SATB2: variants seen among roughly 807,000 people sequenced by gnomAD.
The protein encoded by SATB2 is DNA-binding protein SATB2.
In SATB2, 1 loss-of-function variant was observed where a neutral mutation model predicts 73.4. That is an observed-to-expected ratio of 0.01 (90% CI 0.00 to 0.06). The LOEUF (loss-of-function observed/expected upper bound fraction) is 0.06. Among genes scored for constraint, SATB2 ranks in the 10% least tolerant of loss-of-function variants. The probability of loss-of-function intolerance (pLI) is 1.00; values close to 1 mark genes in which losing one functional copy is unlikely to be tolerated. For synonymous variants in SATB2, 397 were observed against 367.0 expected, an observed-to-expected ratio of 1.08 and a Z score of -0.93; for missense variants, 459 against 945.8, an observed-to-expected ratio of 0.49 and a Z score of 6.75.
intron 9 of SATB2, among the ~76,000 whole-genome samples, chr2:199,310,220 A>C (rs13421225): frequency 6.6e-6 from 1 of 152,186 alleles, no homozygotes; most frequent in Non-Finnish European, 1.5e-5. Flanking sequence ...CTGTGAAGCC[A>C]CCAGGGATTT....
chr2:199,362,256 T>C (rs1258746730), intron 6 of SATB2, among the ~76,000 whole-genome samples: 1 of 152,136 alleles, frequency 6.6e-6, no homozygotes, highest in Non-Finnish European at 1.5e-5. Flanking sequence ...GTACTGATGA[T>C]CATGCGGTTG....
At chr2:199,320,404 G>A (rs964838482) in intron 9 of SATB2, among the ~76,000 whole-genome samples, 8 of 152,120 alleles carry the variant, frequency 5.3e-5, no homozygotes, top group South Asian at 4.1e-4. Flanking sequence ...AGTACAAGGC[G>A]AAATGTGTAT....
At chr2:199,468,344 T>C (rs1199759386), upstream of SATB2, 3 of 152,108 alleles carry the variant, frequency 2.0e-5, no homozygotes, top group Non-Finnish European at 4.4e-5. Context: ...TTTATTTCTA[T>C]TGAAGACTAA....
chr2:199,278,098 T>C (rs1397225956), intron 10 of SATB2, among the ~76,000 whole-genome samples: 1 of 151,986 alleles, frequency 6.6e-6, no homozygotes, highest in Non-Finnish European at 1.5e-5. Flanking sequence ...AGGAGGAAGA[T>C]TGTGGGGAGG....
At chr2:199,352,590 C>A (rs1688851633) in intron 6 of SATB2, among the ~76,000 whole-genome samples, 1 of 152,106 alleles carries the variant, frequency 6.6e-6, no homozygotes, top group East Asian at 1.9e-4. Context: ...TCCGTAGTAA[C>A]ACCATGAAGT....
intron 3 of SATB2, among the ~76,000 whole-genome samples, chr2:199,416,961 G>A (rs1267847727): frequency 5.3e-5 from 8 of 151,820 alleles, no homozygotes; most frequent in South Asian, 2.1e-4. Context: ...GCGTGAACCC[G>A]GGAGGCGGAG....
At chr2:199,335,323 T>C (rs930600834) in intron 7 of SATB2, among the ~76,000 whole-genome samples, 1 of 152,130 alleles carries the variant, frequency 6.6e-6, no homozygotes, top group Non-Finnish European at 1.5e-5. Flanking sequence ...TAAATGCATA[T>C]ACAAAAGTAA....
intron 2 of SATB2, among the ~76,000 whole-genome samples, chr2:199,444,894 C>T (rs1691919326): frequency 6.6e-6 from 1 of 152,100 alleles, no homozygotes; most frequent in African/African-American, 2.4e-5. Context: ...AAGAGCAAGC[C>T]TGTGTTTATT....
intron 3 of SATB2, among the ~76,000 whole-genome samples, chr2:199,386,714 G>GCACA (rs1689966497): frequency 1.8e-4 from 4 of 22,550 alleles, no homozygotes; most frequent in African/African-American, 7.6e-4. Flanking sequence ...GCGCGCGCGC[G>GCACA]CGCACACACA....
chr2:199,375,202 T>G (rs1386221952), intron 5 of SATB2, among the ~76,000 whole-genome samples: 3 of 152,092 alleles, frequency 2.0e-5, no homozygotes, highest in African/African-American at 7.2e-5. Context: ...ATCATAAGGT[T>G]TTCAAATTGG....
At chr2:199,296,783 C>T (rs1442916552) in intron 10 of SATB2, among the ~76,000 whole-genome samples, 2 of 152,134 alleles carry the variant, frequency 1.3e-5, no homozygotes, top group Non-Finnish European at 2.9e-5. Flanking sequence ...ACACTCAGCC[C>T]TAGGACTAGA....
chr2:199,275,544 T>A (rs1327336037), intron 10 of SATB2, among the ~76,000 whole-genome samples: 3 of 152,050 alleles, frequency 2.0e-5, no homozygotes, highest in Admixed American at 6.6e-5. Context: ...TTCGGAGGAT[T>A]CTCCTCCGAA....
In SATB2 at chr2:199,270,825, T is replaced by G. The variant is rs1692132121; in HGVS notation, c.*1386A>C. On this transcript the variant is annotated 3_prime_UTR_variant, in exon 11 of 11. Transcript: ENST00000417098. The stretch of plus-strand genomic sequence containing the variant: ...GAGTAAGTGATTCTACTGAAATCGC[T>G]TCACATACTCTATTGCCTGGAGCTG... The G allele has an allele frequency of 6.6e-6, 1 of 152,350 alleles. No individual in the cohort carries two copies. Among genetic ancestry groups the G allele is most frequent in the Admixed American group, 6.5e-5 (1 of 15,270 alleles). The allele number at this position is 152,350 out of a possible 1,614,324, so 9.4% of individuals were successfully genotyped here.
intron 3 of SATB2, among the ~76,000 whole-genome samples, chr2:199,419,066 GA>G (rs1355380147): frequency 1.3e-5 from 2 of 152,116 alleles, no homozygotes; most frequent in Admixed American, 6.5e-5. Context: ...CGTTTTCCCA[GA>G]ATCACCAGTA....
At chr2:199,288,912 A>C (rs1692765246) in intron 10 of SATB2, among the ~76,000 whole-genome samples, 1 of 152,214 alleles carries the variant, frequency 6.6e-6, no homozygotes, top group African/African-American at 2.4e-5. Context: ...CTCTAGGGAG[A>C]GGCAGCAAAG....
At chr2:199,390,976 T>C (rs896461943) in intron 3 of SATB2, among the ~76,000 whole-genome samples, 6 of 152,230 alleles carry the variant, frequency 3.9e-5, no homozygotes, top group African/African-American at 1.4e-4. Flanking sequence ...ATATTAATAA[T>C]ATGAAGGCAA....
chr2:199,455,860 G>A lies in SATB2; in HGVS notation c.169+9C>T, dbSNP rs1692257318. The A allele has an allele frequency of 2.6e-6, 4 of 1,535,922 alleles. No individual in the cohort carries two copies. Among genetic ancestry groups the A allele is most frequent in the Non-Finnish European group, 3.5e-6 (4 of 1,147,310 alleles). On this transcript the variant is annotated intron_variant, in intron 2 of 10. Transcript: ENST00000417098. The surrounding 1 kb of genome is among the most constrained non-coding windows in gnomAD (Gnocchi z 4.1). ...GCGGGCTGCGCGCCTCCCTGCTCCG[G>A]GCTGTTACCTCCCACGGCCTTGGCC...
At chr2:199,404,876 C>A (rs1293025685) in intron 3 of SATB2, among the ~76,000 whole-genome samples, 1 of 152,124 alleles carries the variant, frequency 6.6e-6, no homozygotes. Flanking sequence ...TTGTAAATAA[C>A]CCCTCCCAGA....
rs1315662639 is a variant in SATB2, at chr2:199,426,128, G to A, written c.346+7210C>T. ...TCTAAGGCCTAAAATGTCTAAATAC[G>A]TATATTTTTTCAACATTGCCCTTAC... is the stretch of plus-strand genomic sequence containing the variant. On this transcript the variant is annotated intron_variant, in intron 3 of 10. Transcript: ENST00000417098. Among the ~76,000 whole-genome samples the A allele has an allele frequency of 2.6e-5, 4 of 151,998 alleles. No homozygotes were observed. The South Asian group carries it at 6.2e-4, about 24-fold the overall frequency.
Sources: allele counts gnomAD v4.1 joint callset (sites outside exome capture counted in the v4.1 genomes callset), GRCh38; gene constraint gnomAD v4.1.1; non-coding constraint Gnocchi (gnomAD v3.1); transcripts MANE v1.5; gene names NCBI Gene and HGNC (gene_info 2026-07-23, HGNC 2026-07-21).